TGFA: variants seen among roughly 807,000 people sequenced by gnomAD.
TGFA encodes the protein protransforming growth factor alpha.
Under a neutral mutation model 21.7 loss-of-function variants are expected in TGFA, and 12 were observed. The ratio of observed to expected loss-of-function variants is 0.55; its 90% CI spans 0.35 to 0.90. The LOEUF (loss-of-function observed/expected upper bound fraction) is 0.90, where lower values mean the gene tolerates loss of function less well. Among genes scored for constraint, TGFA ranks in the 40% least tolerant of loss-of-function variants. The probability of loss-of-function intolerance (pLI) is 0.01; values close to 1 mark genes in which losing one functional copy is unlikely to be tolerated. For missense variants in TGFA, 178 were observed against 210.8 expected (o/e 0.84, Z 0.96); for synonymous variants, 79 against 88.1 (o/e 0.90, Z 0.58).
intron 1 of TGFA, among the ~76,000 whole-genome samples, chr2:70,537,282 A>G (rs1196540540): frequency 6.6e-6 from 1 of 152,134 alleles, no homozygotes; most frequent in Non-Finnish European, 1.5e-5. Context: ...AGGCCTCCCT[A>G]TTCCCTGAGA....
At chr2:70,521,267 T>C (rs17005792) in intron 1 of TGFA, among the ~76,000 whole-genome samples, 7,295 of 152,072 alleles carry the variant, frequency 0.048, 582 homozygotes, top group African/African-American at 0.17. Flanking sequence ...ATCCTAGACC[T>C]CGTTTCCACC....
intron 1 of TGFA, among the ~76,000 whole-genome samples, chr2:70,552,993 C>G (rs1375413574): frequency 6.6e-6 from 1 of 152,246 alleles, no homozygotes; most frequent in Non-Finnish European, 1.5e-5. Flanking sequence ...GCTCCGCAGA[C>G]CCGACCCGGG....
At chr2:70,468,604 T>C (rs574359976) in intron 2 of TGFA, 1 of 152,442 alleles carries the variant, frequency 6.6e-6, no homozygotes, top group African/African-American at 2.4e-5. Flanking sequence ...CCACTTCCCA[T>C]TGCTCACGTT....
At chr2:70,463,885 A>G (rs142836961) in intron 3 of TGFA, among the ~76,000 whole-genome samples, 1 of 152,316 alleles carries the variant, frequency 6.6e-6, no homozygotes, top group East Asian at 1.9e-4. Flanking sequence ...TTAATTATTA[A>G]TAAGAATGAT....
chr2:70,496,447 T>C (rs1671582040), intron 2 of TGFA, among the ~76,000 whole-genome samples: 1 of 152,116 alleles, frequency 6.6e-6, no homozygotes, highest in African/African-American at 2.4e-5. Context: ...AACAGAATAC[T>C]TCATGCTATT....
chr2:70,492,383 A>G (rs7602528), intron 2 of TGFA, among the ~76,000 whole-genome samples: 9,123 of 152,292 alleles, frequency 0.06, 335 homozygotes, highest in Middle Eastern at 0.13. Context: ...CATGGCCCTG[A>G]CATCTTCTCA....
intron 2 of TGFA, among the ~76,000 whole-genome samples, chr2:70,471,706 G>A (rs1310926224): frequency 6.6e-6 from 1 of 152,116 alleles, no homozygotes; most frequent in Non-Finnish European, 1.5e-5. Flanking sequence ...AAGTGCTGGG[G>A]GCTTTCCTTA....
At chr2:70,542,142 C>T (rs978013766) in intron 1 of TGFA, among the ~76,000 whole-genome samples, 2 of 152,022 alleles carry the variant, frequency 1.3e-5, no homozygotes, top group Admixed American at 6.6e-5. Context: ...TCTGTCAACC[C>T]CCCCAAAAAA....
At chr2:70,515,018 C>T in intron 1 of TGFA, 106 bp from the exon 2 acceptor site, 1 of 1,002,380 alleles carries the variant, frequency 1.0e-6, no homozygotes, top group East Asian at 2.6e-5. Flanking sequence ...TCGGTAGTTT[C>T]ACAGAGTGGC....
chr2:70,541,776 T>C (rs1673137618), intron 1 of TGFA, among the ~76,000 whole-genome samples: 1 of 152,194 alleles, frequency 6.6e-6, no homozygotes, highest in Admixed American at 6.5e-5. Context: ...TCTATGAGTT[T>C]ACCTCACATT....
At chr2:70,461,355 A>C (rs546353434) in intron 3 of TGFA, among the ~76,000 whole-genome samples, 1 of 152,292 alleles carries the variant, frequency 6.6e-6, no homozygotes, top group African/African-American at 2.4e-5. Flanking sequence ...CCAACAAGAA[A>C]ACTGCCCCCA....
Position 70,514,918 on chromosome 2 carries a change from G to T in TGFA, c.41-6C>A, listed in dbSNP as rs372024014. ...GCACGCAGCCAACACAATACCTGTT[G>T]GGTGGAGGAGAAGAGGGAAAAGGTC... On this transcript the variant is annotated splice_region_variant and splice_polypyrimidine_tract_variant and intron_variant, in intron 1 of 5. Coordinates refer to ENST00000295400, the MANE Select transcript of TGFA (RefSeq NM_003236.4). 1 of 1,613,632 alleles carries T rather than the reference G, an allele frequency of 6.2e-7. No homozygotes were observed. The highest frequency in any genetic ancestry group is 2.2e-5 in the East Asian group (1 of 44,856).
chr2:70,486,120 CT>C (rs2103770816), intron 2 of TGFA, among the ~76,000 whole-genome samples: 1 of 152,334 alleles, frequency 6.6e-6, no homozygotes, highest in Admixed American at 6.5e-5. Context: ...CTGGAGTGGA[CT>C]TTTCCCTCAC....
At chr2:70,470,781 C>G (rs1289621602) in intron 2 of TGFA, among the ~76,000 whole-genome samples, 2 of 152,106 alleles carry the variant, frequency 1.3e-5, no homozygotes, top group Non-Finnish European at 2.9e-5. Flanking sequence ...ACCTGTCTGC[C>G]TCAGCCCAAA....
At chr2:70,545,878 A>G (rs1419575903) in intron 1 of TGFA, among the ~76,000 whole-genome samples, 1 of 152,236 alleles carries the variant, frequency 6.6e-6, no homozygotes, top group African/African-American at 2.4e-5. Flanking sequence ...TTCTTCTCAT[A>G]TAAAGTGTTA....
intron 2 of TGFA, among the ~76,000 whole-genome samples, chr2:70,495,536 GTCTC>G (rs782806631): frequency 2.8e-4 from 42 of 152,120 alleles, no homozygotes; most frequent in Non-Finnish European, 5.3e-4. Flanking sequence ...AGGGGCACAG[GTCTC>G]TCTATTAGTC....
chr2:70,507,445 A>G (rs1553500323), intron 2 of TGFA, among the ~76,000 whole-genome samples: 1 of 152,234 alleles, frequency 6.6e-6, no homozygotes. Flanking sequence ...CTATGTATAT[A>G]TCATGTGTAT....
intron 2 of TGFA, among the ~76,000 whole-genome samples, chr2:70,466,687 T>C (rs960449519): frequency 6.6e-6 from 1 of 152,214 alleles, no homozygotes; most frequent in Non-Finnish European, 1.5e-5. Flanking sequence ...ACTGGGTATA[T>C]ACCCAAAGGA....
intron 2 of TGFA, among the ~76,000 whole-genome samples, chr2:70,513,026 C>T (rs1194566460): frequency 6.6e-6 from 1 of 152,130 alleles, no homozygotes; most frequent in Non-Finnish European, 1.5e-5. Flanking sequence ...AATCTCAAGG[C>T]CTTTATACCT....
Sources: gnomAD v4.1 joint callset for allele counts (sites outside exome capture counted in the v4.1 genomes callset) on GRCh38, gnomAD v4.1.1 for gene constraint, MANE v1.5 for transcripts, NCBI Gene and HGNC (gene_info 2026-07-23, HGNC 2026-07-21) for gene names.